The following COL1A1 variants were observed in gnomAD, a reference collection of about 807,000 sequenced individuals.
COL1A1 encodes the protein collagen type I alpha 1 chain, also known as collagen alpha-1(I) chain.
COL1A1 carries 21 observed loss-of-function variants against 195.7 expected under a neutral mutation model. The ratio of observed to expected loss-of-function variants is 0.11; its 90% CI spans 0.08 to 0.15. The LOEUF is 0.15. Among genes scored for constraint, COL1A1 ranks in the 10% least tolerant of loss-of-function variants. The probability of loss-of-function intolerance (pLI) is 1.00; values close to 1 mark genes in which losing one functional copy is unlikely to be tolerated. For synonymous variants in COL1A1, 749 were observed against 747.3 expected, an observed-to-expected ratio of 1.00 and a Z score of -0.04; for missense variants, 1,365 against 2,051.0, an observed-to-expected ratio of 0.67 and a Z score of 6.46.
In COL1A1 at chr17:50,192,546, G is replaced by A; in HGVS notation, c.1930-18C>T. The A allele has an allele frequency of 6.2e-7, 1 of 1,614,066 alleles. No homozygotes were observed. Among genetic ancestry groups the A allele is most frequent in the Non-Finnish European group, 8.5e-7 (1 of 1,179,968 alleles). ...GGGAGACCCTGTAGGTGGGAAATGG[G>A]GGAAGAAGGGAGGGAAGGTTTAGAA... On this transcript the variant is annotated intron_variant, in intron 28 of 50. Transcript: ENST00000225964.
intron 1 of COL1A1, 71 bp downstream of exon 1, chr17:50,201,340 C>A: frequency 7.1e-7 from 1 of 1,406,016 alleles, no homozygotes; most frequent in Admixed American, 1.9e-5. Flanking sequence ...TCGTTTTAAG[C>A]CGCGGCCCCC....
intron 9 of COL1A1, 79 bp downstream of exon 9, chr17:50,197,653 T>G: frequency 2.6e-6 from 3 of 1,158,920 alleles, no homozygotes; most frequent in Non-Finnish European, 3.7e-6. Flanking sequence ...CGTTCCCAAA[T>G]GTGGTGGAGT....
intron 26 of COL1A1, 69 bp from the exon 27 acceptor site, chr17:50,192,919 G>C: frequency 6.2e-7 from 1 of 1,611,726 alleles, no homozygotes; most frequent in Non-Finnish European, 8.5e-7. Context: ...GTGGCCTCTA[G>C]CACCCCTCCT....
At position 50,194,972 on chromosome 17, in the gene COL1A1, C is replaced by T. The variant is rs1907443685; in HGVS notation, c.1353+75G>A. 8.4e-6 allele frequency: 13 copies of T among 1,541,300 alleles called. No homozygotes were observed. The South Asian group carries it at 1.1e-4, about 13-fold the overall frequency. On this transcript the variant is annotated intron_variant, in intron 20 of 50. Coordinates refer to ENST00000225964, the MANE Select transcript of COL1A1 (RefSeq NM_000088.4). This position sits in a 1 kb window ranked among gnomAD's most constrained non-coding sequence, Gnocchi z 6.8. ...CCCCAGAAGACTAGGGGCTCCTCTT[C>T]CTTTCTGGATTTCCCTCAGGGGGCT...
chr17:50,194,665 C>T lies in COL1A1; in HGVS notation c.1462-39G>A, dbSNP rs1189005233. 1.3e-6 allele frequency: 2 copies of T among 1,557,642 alleles called. No homozygotes were observed. The highest frequency in any genetic ancestry group is 1.7e-6 in the Non-Finnish European group (2 of 1,150,226). ...GGAGGCCAGTGAACTCCGCGACACA[C>T]AGGCACCAGCCAGGCAATGAGGGTG... On this transcript the variant is annotated intron_variant, in intron 21 of 50. Transcript: ENST00000225964. The surrounding 1 kb of genome is among the most constrained non-coding windows in gnomAD (Gnocchi z 6.8).
In COL1A1 at chr17:50,190,416, G is replaced by C. The variant is rs189745984; in HGVS notation, c.2398-36C>G. 6 of 1,596,392 alleles carry C rather than the reference G, an allele frequency of 3.8e-6. No individual in the cohort carries two copies. The East Asian group carries it at 1.3e-4, about 36-fold the overall frequency. On this transcript the variant is annotated intron_variant, in intron 34 of 50. Coordinates refer to ENST00000225964, the MANE Select transcript of COL1A1 (RefSeq NM_000088.4). This position sits in a 1 kb window ranked among gnomAD's most constrained non-coding sequence, Gnocchi z 4.7. The stretch of plus-strand genomic sequence containing the variant: ...AGGAGTCAGATTGGAGAGATGCGCT[G>C]ACAGGAGGGAAGGCGGGGATGCGGT...
At chr17:50,192,938 G>T in intron 26 of COL1A1, 56 bp downstream of exon 26, 1 of 1,613,310 alleles carries the variant, frequency 6.2e-7, no homozygotes, top group Non-Finnish European at 8.5e-7. Flanking sequence ...CTGCAGGGAG[G>T]AGAAAGTGCC....
chr17:50,190,340 A>G lies in COL1A1; in HGVS notation c.2438T>C (p.Phe813Ser). ...CTTGGTACTCACAGGGGGGCCAGCA[A>G]AGCCAGCAGGGCCGGGGGGACCAGG... ...GEPGPPGPAG[F>S]AGPPGADGQP... The change falls in exon 35 of 51, where the codon TTT becomes TCT. Residue 813 changes from phenylalanine to serine, a missense_variant. Phe to Ser is a radical substitution (Grantham distance 155). Coordinates refer to ENST00000225964, the MANE Select transcript of COL1A1 (RefSeq NM_000088.4). The surrounding 1 kb of genome is among the most constrained non-coding windows in gnomAD (Gnocchi z 4.7). The G allele has an allele frequency of 6.2e-7, 1 of 1,602,298 alleles. No homozygotes were observed. Among genetic ancestry groups the G allele is most frequent in the East Asian group, 2.2e-5 (1 of 44,598 alleles).
chr17:50,184,229 G>A lies in COL1A1; in HGVS notation c.*1273C>T, dbSNP rs1314414123. 5.2e-5 allele frequency: 12 copies of A among 230,306 alleles called. No homozygotes were observed. In the East Asian group the frequency reaches 7.4e-4, roughly 14 times the overall value. 14.3% of individuals were successfully genotyped at this position (230,306 alleles called of 1,614,324 possible). A position where few individuals can be genotyped will look rare whatever the true frequency, so the allele number is the denominator to read the frequency against. On this transcript the variant is annotated 3_prime_UTR_variant, in exon 51 of 51. Coordinates refer to ENST00000225964, the MANE Select transcript of COL1A1 (RefSeq NM_000088.4). The stretch of plus-strand genomic sequence containing the variant: ...CACCCCTAGGGGGAAAAACTGCTTT[G>A]TGCTTTGGGAAGTTGTCTCTGAAAC...
chr17:50,191,543 C>G, intron 31 of COL1A1, 53 bp from the exon 32 acceptor site: 1 of 1,529,030 alleles, frequency 6.5e-7, no homozygotes, highest in Non-Finnish European at 9.1e-7. Flanking sequence ...AAGAGTGGGT[C>G]ACAGCCCTAA....
chr17:50,197,648 C>A, intron 9 of COL1A1, 84 bp downstream of exon 9: 1 of 1,146,848 alleles, frequency 8.7e-7, no homozygotes, highest in Non-Finnish European at 1.3e-6. Flanking sequence ...AGTATCGTTC[C>A]CAAATGTGGT....
intron 25 of COL1A1, among the ~76,000 whole-genome samples, chr17:50,193,286 T>A (rs984622769): frequency 6.6e-6 from 1 of 152,154 alleles, no homozygotes; most frequent in African/African-American, 2.4e-5. Flanking sequence ...TGGCCTGCAC[T>A]GCAAAGGGCT....
chr17:50,189,662 C>G lies in COL1A1; in HGVS notation c.2667+17G>C, dbSNP rs960267278. The G allele has an allele frequency of 6.2e-7, 1 of 1,613,438 alleles. No homozygotes were observed. Among genetic ancestry groups the G allele is most frequent in the African/African-American group, 1.3e-5 (1 of 74,744 alleles). On this transcript the variant is annotated intron_variant, in intron 38 of 50. Coordinates refer to ENST00000225964, the MANE Select transcript of COL1A1 (RefSeq NM_000088.4). The surrounding 1 kb of genome is among the most constrained non-coding windows in gnomAD (Gnocchi z 5.5). ...CACCCCCAACCTAGAGCAGTGGACT[C>G]TGCTGCAGAGACTTACAGAGGGGCC... is the stretch of plus-strand genomic sequence containing the variant.
chr17:50,191,696 G>C (rs1235426121), intron 31 of COL1A1, 92 bp downstream of exon 31: 5 of 1,409,832 alleles, frequency 3.5e-6, no homozygotes, highest in East Asian at 4.9e-5. Context: ...CTATCTCCAT[G>C]GCTTTGGTCA....
At position 50,198,213 on chromosome 17, in the gene COL1A1, G is replaced by T. The variant is rs1256394964; in HGVS notation, c.544-8C>A. On this transcript the variant is annotated splice_polypyrimidine_tract_variant and splice_region_variant and intron_variant, in intron 6 of 50. Transcript: ENST00000225964. Reference sequence around the variant, plus strand: ...ACGAGGACCAGAGGGACCCTATAGAGGGAGAAGAAAGGGGGGTCATGGTGA... The same window carrying T: ...ACGAGGACCAGAGGGACCCTATAGATGGAGAAGAAAGGGGGGTCATGGTGA... 6.2e-7 allele frequency: 1 copy of T among 1,614,056 alleles called. No homozygotes were observed. Among genetic ancestry groups the T allele is most frequent in the Admixed American group, 1.7e-5 (1 of 60,016 alleles).
chr17:50,200,679 G>A (rs1344795213), intron 1 of COL1A1, among the ~76,000 whole-genome samples: 5 of 152,130 alleles, frequency 3.3e-5, no homozygotes, highest in African/African-American at 1.2e-4. Flanking sequence ...CTAGGTGTCG[G>A]GCAACGCTAA....
At position 50,186,970 on chromosome 17, in the gene COL1A1, T is replaced by C; in HGVS notation, c.3531+45A>G. On this transcript the variant is annotated intron_variant, in intron 47 of 50. Coordinates refer to ENST00000225964, the MANE Select transcript of COL1A1 (RefSeq NM_000088.4). This position sits in a 1 kb window ranked among gnomAD's most constrained non-coding sequence, Gnocchi z 5.3. ...GGGGATTACCGGCATCCAAGTGCTT[T>C]GGGGGCTGGAGGGCCATGAGCAGAG... is the stretch of plus-strand genomic sequence containing the variant. The C allele has an allele frequency of 6.2e-7, 1 of 1,611,564 alleles. No homozygotes were observed. Among genetic ancestry groups the C allele is most frequent in the Non-Finnish European group, 8.5e-7 (1 of 1,178,498 alleles).
At chr17:50,191,064 T>G in intron 32 of COL1A1, 140 bp from the exon 33 acceptor site, 1 of 868,754 alleles carries the variant, frequency 1.2e-6, no homozygotes, top group Admixed American at 2.0e-5. Flanking sequence ...AAAGATTCTT[T>G]CAGGAAAAAG....
intron 45 of COL1A1, 34 bp downstream of exon 45, chr17:50,187,842 G>GC (rs1199624437): frequency 1.3e-6 from 2 of 1,543,864 alleles, no homozygotes; most frequent in East Asian, 4.5e-5. Flanking sequence ...CCACAGCACA[G>GC]CATGGGGACT....
Sources: gnomAD v4.1 joint callset for allele counts (sites outside exome capture counted in the v4.1 genomes callset) on GRCh38, gnomAD v4.1.1 for gene constraint, Gnocchi (gnomAD v3.1) non-coding constraint, MANE v1.5 for transcripts, NCBI Gene and HGNC (gene_info 2026-07-23, HGNC 2026-07-21) for gene names.